ANGPTL6: variants seen among roughly 807,000 people sequenced by gnomAD.
ANGPTL6 encodes angiopoietin-related protein 6.
ANGPTL6 carries 45 observed loss-of-function variants against 47.4 expected under a neutral mutation model. That is an observed-to-expected ratio of 0.95 (90% CI 0.75 to 1.22). The LOEUF is 1.22. Ranked by LOEUF, ANGPTL6 falls within the 50% of genes most tolerant of loss-of-function variation. The pLI, the probability that ANGPTL6 is intolerant of heterozygous loss-of-function variation, is 0.00. For missense variants in ANGPTL6, 698 were observed against 669.4 expected (o/e 1.04, Z -0.47); for synonymous variants, 290 against 295.9 (o/e 0.98, Z 0.20).
upstream of ANGPTL6, among the ~76,000 whole-genome samples, chr19:10,103,521 T>C (rs1431181798): frequency 6.7e-6 from 1 of 149,408 alleles, no homozygotes; most frequent in Non-Finnish European, 1.5e-5. Flanking sequence ...AGCCAGGAGG[T>C]GGAGGTTGCA....
At chr19:10,102,840 G>GC, upstream of ANGPTL6, 1 of 903,048 alleles carries the variant, frequency 1.1e-6, no homozygotes. Context: ...GGCCACCAGA[G>GC]CCTGATAACA....
upstream of ANGPTL6, among the ~76,000 whole-genome samples, chr19:10,104,583 G>GA (rs1321586727): frequency 6.6e-6 from 1 of 152,054 alleles, no homozygotes; most frequent in East Asian, 1.9e-4. Context: ...TATTGGATCT[G>GA]AACCTATCCT....
Position 10,102,616 on chromosome 19 carries a change from G to A in ANGPTL6, c.-59C>T. ...CCAGCGAAGCTCACAGAACACACAA[G>A]AAGTCCAAGGAAGAGCCGAGGGTCC... On this transcript the variant is annotated 5_prime_UTR_variant, in exon 1 of 6. Transcript: ENST00000253109. The A allele has an allele frequency of 1.0e-6, 1 of 984,620 alleles. No homozygotes were observed. Among genetic ancestry groups the A allele is most frequent in the Non-Finnish European group, 1.2e-6 (1 of 829,394 alleles). 61.0% of individuals were successfully genotyped at this position (984,620 alleles called of 1,614,324 possible). A position where few individuals can be genotyped will look rare whatever the true frequency, so the allele number is the denominator to read the frequency against.
At chr19:10,103,961 C>T (rs185875225), upstream of ANGPTL6, among the ~76,000 whole-genome samples, 1,137 of 151,458 alleles carry the variant, frequency 7.5e-3, 11 homozygotes, top group African/African-American at 0.026. Flanking sequence ...GGTGTGGTGG[C>T]CCATGCCTGT....
upstream of ANGPTL6, among the ~76,000 whole-genome samples, chr19:10,105,827 C>G (rs1348026949): frequency 6.6e-6 from 1 of 152,228 alleles, no homozygotes; most frequent in Non-Finnish European, 1.5e-5. Flanking sequence ...GCGAGTTATT[C>G]ACGAAACGCC....
At chr19:10,099,853 T>C (rs138989637) in intron 1 of ANGPTL6, among the ~76,000 whole-genome samples, 20 of 100,828 alleles carry the variant, frequency 2.0e-4, no homozygotes, top group Non-Finnish European at 2.8e-4. Flanking sequence ...CTTTCTCTCT[T>C]TCTCTCTCTC....
upstream of ANGPTL6, among the ~76,000 whole-genome samples, chr19:10,103,825 T>A (rs1185118984): frequency 6.6e-6 from 1 of 150,938 alleles, no homozygotes; most frequent in Non-Finnish European, 1.5e-5. Flanking sequence ...CTGGGCGCGG[T>A]GGCTCACGCC....
At chr19:10,095,065 G>A (rs2088496418) in intron 2 of ANGPTL6, 127 bp from the exon 3 acceptor site, 3 of 1,009,362 alleles carry the variant, frequency 3.0e-6, no homozygotes, top group Non-Finnish European at 4.2e-6. Flanking sequence ...CAGTGGGGGT[G>A]TCCCAGCCCT....
At position 10,093,870 on chromosome 19, in the gene ANGPTL6, C is replaced by A. The variant is rs2145167157; in HGVS notation, c.774G>T (p.Gln258His). The change falls in exon 4 of 6, where the codon CAG becomes CAT. Residue 258 changes from glutamine to histidine, a missense_variant. Physicochemically the swap from Gln to His is conservative, Grantham distance 24 (BLOSUM62 0). Transcript: ENST00000253109. Reference sequence around the variant, plus strand: ...CTGCCTGGCGGGCCTCTGCACAATCCTGCCACGGGCCTGTGGGCACAGGGA... The same window carrying A: ...CTGCCTGGCGGGCCTCTGCACAATCATGCCACGGGCCTGTGGGCACAGGGA... ...AVPTKPVGPWQDCAEARQAGH... is the reference protein window; with the variant it reads ...AVPTKPVGPWHDCAEARQAGH... 1 of 1,608,708 alleles carries A rather than the reference C, an allele frequency of 6.2e-7. No individual in the cohort carries two copies.
At chr19:10,092,981 T>A in intron 5 of ANGPTL6, 1 of 508,878 alleles carries the variant, frequency 2.0e-6, no homozygotes, top group Non-Finnish European at 3.4e-6. Context: ...ATTCCTTCCC[T>A]ATCTCCTTAC....
intron 1 of ANGPTL6, among the ~76,000 whole-genome samples, chr19:10,100,079 C>T (rs2088646293): frequency 6.7e-6 from 1 of 150,178 alleles, no homozygotes; most frequent in South Asian, 2.1e-4. Flanking sequence ...GAAATCCCGT[C>T]TCTACTAAAA....
Position 10,096,115 on chromosome 19 carries a change from G to T in ANGPTL6, c.449C>A (p.Ala150Asp). The T allele has an allele frequency of 6.8e-7, 1 of 1,468,402 alleles. No homozygotes were observed. Among genetic ancestry groups the T allele is most frequent in the Non-Finnish European group, 9.0e-7 (1 of 1,111,428 alleles). The allele number at this position is 1,468,402 out of a possible 1,614,324, so 91.0% of individuals were successfully genotyped here. The part of the protein sequence containing the change: ...GERVLNASAE[A>D]QRAAARFHQL... ...GTGGAACCGGGCGGCTGCGCGCTGA[G>T]CCTCGGCGGACGCGTTGAGCACGCG... Residue 150 changes from alanine (A) to aspartate (D), a missense_variant, in exon 2 of 6, where the codon GCT becomes GAT. Physicochemically the swap from Ala to Asp is moderately radical, Grantham distance 126. Coordinates refer to ENST00000253109, the MANE Select transcript of ANGPTL6 (RefSeq NM_031917.3).
At chr19:10,094,141 A>G (rs1328946164) in intron 3 of ANGPTL6, among the ~76,000 whole-genome samples, 2 of 151,182 alleles carry the variant, frequency 1.3e-5, no homozygotes, top group African/African-American at 4.9e-5. Flanking sequence ...AGGAAATGTC[A>G]AGTCTGGGGT....
chr19:10,097,988 C>T (rs2088589484), intron 1 of ANGPTL6, among the ~76,000 whole-genome samples: 1 of 142,886 alleles, frequency 7.0e-6, no homozygotes, highest in Admixed American at 7.2e-5. Flanking sequence ...GGCAACGTAT[C>T]CAGACCCTGT....
At position 10,096,457 on chromosome 19, in the gene ANGPTL6, T is replaced by C; in HGVS notation, c.107A>G (p.Gln36Arg). 1 of 1,472,170 alleles carries C rather than the reference T, an allele frequency of 6.8e-7. No homozygotes were observed. 91.2% of individuals were successfully genotyped at this position (1,472,170 alleles called of 1,614,324 possible). A position where few individuals can be genotyped will look rare whatever the true frequency, so the allele number is the denominator to read the frequency against. The change falls in exon 2 of 6, where the codon CAG (glutamine) becomes CGG (arginine). Residue 36 changes from glutamine to arginine, a missense_variant. Transcript: ENST00000253109. ...CCAGCACACAGCGCCCGTGAACTTC[T>C]GCGGGGGCAGCACGAAGGTGTAGGT... Reference protein sequence around the residue: ...RCTYTFVLPPQKFTGAVCWSG... With the variant: ...RCTYTFVLPPRKFTGAVCWSG...
rs1249142098 is a variant in ANGPTL6 at position 10,097,855 on chromosome 19, A to AAAAAT, written c.-10-1287_-10-1283dup. ...GTGACTGAGCGAGACTCCATCTCAA[A>AAAAAT]AAAATAAAATAAAATAAAATAATAA... On this transcript the variant is annotated intron_variant, in intron 1 of 5. Transcript: ENST00000253109. 5.3e-5 allele frequency among the ~76,000 whole-genome samples: 8 copies of AAAAAT among 151,654 alleles called. No homozygotes were observed. In the East Asian group the frequency reaches 7.7e-4, roughly 15 times the overall value.
Position 10,096,097 on chromosome 19 carries a change from C to A in ANGPTL6, c.467G>T (p.Arg156Leu), listed in dbSNP as rs763114731. 1 of 1,489,944 alleles carries A rather than the reference C, an allele frequency of 6.7e-7. No individual in the cohort carries two copies. Among genetic ancestry groups the A allele is most frequent in the Non-Finnish European group, 8.9e-7 (1 of 1,122,178 alleles). The allele number at this position is 1,489,944 out of a possible 1,614,324, so 92.3% of individuals were successfully genotyped here. ...ASAEAQRAAARFHQLDVKFRE... is the reference protein window; with the variant it reads ...ASAEAQRAAALFHQLDVKFRE... ...GAACTTGACGTCCAGCTGGTGGAAC[C>A]GGGCGGCTGCGCGCTGAGCCTCGGC... The change falls in exon 2 of 6, where the codon CGG (arginine) becomes CTG (leucine). Residue 156 changes from arginine (R) to leucine (L), a missense_variant. Coordinates refer to ENST00000253109, the MANE Select transcript of ANGPTL6 (RefSeq NM_031917.3).
chr19:10,096,639 A>G (rs1279318491), intron 1 of ANGPTL6, 66 bp from the exon 2 acceptor site: 3 of 1,245,472 alleles, frequency 2.4e-6, no homozygotes, highest in Middle Eastern at 2.8e-4. Context: ...CTCCGCTTCC[A>G]CGCGGGGATG....
At chr19:10,092,873 C>A (rs1161605145) in intron 5 of ANGPTL6, 94 bp from the exon 6 acceptor site, 7 of 1,039,712 alleles carry the variant, frequency 6.7e-6, no homozygotes, top group South Asian at 4.2e-5. Flanking sequence ...ATCCCCTGGC[C>A]CCTCCCATTC....
Sources: allele counts gnomAD v4.1 joint callset (sites outside exome capture counted in the v4.1 genomes callset), GRCh38; gene constraint gnomAD v4.1.1; transcripts MANE v1.5; gene names NCBI Gene and HGNC (gene_info 2026-07-23, HGNC 2026-07-21).